The following SERGEF variants were observed in gnomAD, a reference collection of about 807,000 sequenced individuals.
SERGEF encodes the protein secretion-regulating guanine nucleotide exchange factor.
A neutral mutation model predicts 50.0 loss-of-function variants in SERGEF; 51 were observed. The ratio of observed to expected loss-of-function variants is 1.02; its 90% CI spans 0.81 to 1.29. The LOEUF is 1.29. SERGEF is among the 50% of genes most tolerant of loss of function. SERGEF has a pLI of 0.00. For synonymous variants in SERGEF, 205 were observed against 212.4 expected, an observed-to-expected ratio of 0.97 and a Z score of 0.30; for missense variants, 521 against 557.0, an observed-to-expected ratio of 0.94 and a Z score of 0.65.
intron 9 of SERGEF, among the ~76,000 whole-genome samples, chr11:17,945,328 T>A (rs1010731621): frequency 2.0e-5 from 3 of 152,258 alleles, no homozygotes; most frequent in African/African-American, 7.2e-5. Flanking sequence ...GAAGCCTTGG[T>A]TGGAACATAG....
intron 10 of SERGEF, among the ~76,000 whole-genome samples, chr11:17,876,825 G>A (rs756338781): frequency 4.6e-5 from 7 of 152,240 alleles, no homozygotes; most frequent in African/African-American, 1.7e-4. Context: ...CCTAGGCACC[G>A]CCTTTGACTC....
intron 10 of SERGEF, among the ~76,000 whole-genome samples, chr11:17,844,415 T>C (rs1442445410): frequency 5.9e-5 from 9 of 152,044 alleles, no homozygotes; most frequent in African/African-American, 2.2e-4. Flanking sequence ...AGAACAGATA[T>C]AGGTTTTCAT....
intron 10 of SERGEF, among the ~76,000 whole-genome samples, chr11:17,792,451 T>A (rs1849498471): frequency 6.6e-6 from 1 of 152,140 alleles, no homozygotes. Context: ...AGAGCTGACC[T>A]ACCAGCAGGA....
intron 9 of SERGEF, among the ~76,000 whole-genome samples, chr11:17,921,549 C>T (rs911626041): frequency 6.6e-6 from 1 of 152,220 alleles, no homozygotes; most frequent in Non-Finnish European, 1.5e-5. Flanking sequence ...TTCCCTCATT[C>T]CCAAAGAGCT....
intron 9 of SERGEF, among the ~76,000 whole-genome samples, chr11:17,880,686 TA>T: frequency 6.6e-6 from 1 of 152,206 alleles, no homozygotes; most frequent in African/African-American, 2.4e-5. Context: ...AAAATAAGTG[TA>T]ATGCAGTTAC....
At chr11:17,832,769 T>A (rs1232159934) in intron 10 of SERGEF, among the ~76,000 whole-genome samples, 1 of 152,230 alleles carries the variant, frequency 6.6e-6, no homozygotes, top group Admixed American at 6.5e-5. Flanking sequence ...GTGACTCTTG[T>A]TATGTTTTAA....
intron 9 of SERGEF, among the ~76,000 whole-genome samples, chr11:17,891,464 T>C (rs1297004257): frequency 1.3e-5 from 2 of 152,188 alleles, no homozygotes; most frequent in Admixed American, 6.5e-5. Flanking sequence ...GGACTCTCTC[T>C]CACATTTTAA....
chr11:17,961,377 C>T (rs998136588), intron 8 of SERGEF, among the ~76,000 whole-genome samples: 1 of 152,178 alleles, frequency 6.6e-6, no homozygotes, highest in Non-Finnish European at 1.5e-5. Flanking sequence ...GATTTCTAAC[C>T]AGATTGCTCA....
chr11:17,927,910 T>A (rs1852280747), intron 9 of SERGEF, among the ~76,000 whole-genome samples: 1 of 152,060 alleles, frequency 6.6e-6, no homozygotes. Flanking sequence ...GAAGAAAGAG[T>A]CTGTCACAGG....
In SERGEF at chr11:17,985,648, T is replaced by C. The variant is rs116751207; in HGVS notation, c.844+2949A>G. 7.6e-3 allele frequency among the ~76,000 whole-genome samples: 1,160 copies of C among 152,330 alleles called. 19 individuals carry two copies. Among genetic ancestry groups the C allele is most frequent in the African/African-American group, 0.026 (1,085 of 41,566 alleles). ...CTCTCCCAGATTAGAACAGGTTCTC[T>C]TGGACTCTTTCCAAGTGCCTCTGAC... On this transcript the variant is annotated intron_variant, in intron 8 of 10. Transcript: ENST00000265965.
At chr11:17,895,225 T>TAAAAC (rs931186279) in intron 9 of SERGEF, among the ~76,000 whole-genome samples, 1 of 152,156 alleles carries the variant, frequency 6.6e-6, no homozygotes, top group Non-Finnish European at 1.5e-5. Context: ...ATTTTGTGAT[T>TAAAAC]AAAACAAAAC....
intron 10 of SERGEF, among the ~76,000 whole-genome samples, chr11:17,816,420 A>G (rs1849976176): frequency 6.6e-6 from 1 of 152,220 alleles, no homozygotes; most frequent in African/African-American, 2.4e-5. Flanking sequence ...TGACTCTTTA[A>G]TAACTCTTCT....
intron 9 of SERGEF, among the ~76,000 whole-genome samples, chr11:17,945,323 C>T (rs1006032040): frequency 6.6e-6 from 1 of 152,186 alleles, no homozygotes; most frequent in African/African-American, 2.4e-5. Flanking sequence ...AATTAGAAGC[C>T]TTGGTTGGAA....
chr11:17,905,716 A>G (rs1168188783), intron 9 of SERGEF, among the ~76,000 whole-genome samples: 1 of 152,232 alleles, frequency 6.6e-6, no homozygotes, highest in Admixed American at 6.5e-5. Context: ...AAATGAGGAC[A>G]AGTGCACAAA....
At chr11:17,994,240 C>T (rs991033466) in intron 6 of SERGEF, among the ~76,000 whole-genome samples, 8 of 151,884 alleles carry the variant, frequency 5.3e-5, no homozygotes, top group South Asian at 2.1e-4. Flanking sequence ...TTTGGGAGGC[C>T]GAGACGGGTG....
At chr11:17,813,030 C>T (rs1849903018) in intron 10 of SERGEF, among the ~76,000 whole-genome samples, 1 of 152,150 alleles carries the variant, frequency 6.6e-6, no homozygotes. Context: ...ATGGACATCA[C>T]CGTATTCAGA....
chr11:18,000,459 TAA>T, intron 5 of SERGEF, 36 bp downstream of exon 5: 1 of 1,411,220 alleles, frequency 7.1e-7, no homozygotes, highest in Non-Finnish European at 9.7e-7. Context: ...TAAAAAGTAT[TAA>T]AAATAAAAAT....
chr11:17,847,392 T>C (rs1036104412), intron 10 of SERGEF, among the ~76,000 whole-genome samples: 3 of 152,158 alleles, frequency 2.0e-5, no homozygotes, highest in Non-Finnish European at 4.4e-5. Flanking sequence ...AAATTCTAGA[T>C]CCAGTTTTGA....
chr11:17,923,515 A>G (rs1852196576), intron 9 of SERGEF, among the ~76,000 whole-genome samples: 1 of 152,238 alleles, frequency 6.6e-6, no homozygotes, highest in Non-Finnish European at 1.5e-5. Flanking sequence ...AGAAACCTTC[A>G]CACTCTCATG....
Sources: gnomAD v4.1 joint callset for allele counts (sites outside exome capture counted in the v4.1 genomes callset) on GRCh38, gnomAD v4.1.1 for gene constraint, MANE v1.5 for transcripts, NCBI Gene and HGNC (gene_info 2026-07-23, HGNC 2026-07-21) for gene names.